The following MAPKBP1 variants were observed in gnomAD, a reference collection of about 807,000 sequenced individuals.
MAPKBP1 encodes mitogen-activated protein kinase binding protein 1, also known as mitogen-activated protein kinase-binding protein 1.
MAPKBP1 carries 71 observed loss-of-function variants against 170.5 expected under a neutral mutation model. The observed-to-expected ratio is 0.42, with a 90% CI of 0.34 to 0.51. MAPKBP1 has a LOEUF of 0.51. Among genes scored for constraint, MAPKBP1 ranks in the 20% least tolerant of loss-of-function variants. MAPKBP1 has a pLI of 0.06. For synonymous variants in MAPKBP1, 719 were observed against 757.9 expected (o/e 0.95, Z 0.84); for missense variants, 1,598 against 1,933.0 (o/e 0.83, Z 3.25).
chr15:41,811,806 A>G (rs182710021), intron 5 of MAPKBP1, 151 bp from the exon 6 acceptor site: 59 of 783,874 alleles, frequency 7.5e-5, no homozygotes, highest in Admixed American at 5.1e-4. Context: ...GATCTTTATC[A>G]TATTTCCTCT....
intron 3 of MAPKBP1, among the ~76,000 whole-genome samples, chr15:41,801,264 C>T (rs969972053): frequency 5.3e-5 from 8 of 152,130 alleles, no homozygotes; most frequent in Admixed American, 2.6e-4. Flanking sequence ...GGCTACTATT[C>T]TTTCTCTTGC....
At position 41,827,243 on chromosome 15, in the gene MAPKBP1, T is replaced by C. The variant is rs977963880; in HGVS notation, c.*1807T>C. The stretch of plus-strand genomic sequence containing the variant: ...CTGGAGGTGGAGGTGGAGGTTGCAG[T>C]GAGCCGAGATCGCGCCATTGCACTC... On this transcript the variant is annotated 3_prime_UTR_variant, in exon 31 of 31. Coordinates refer to ENST00000457542, the MANE Select transcript of MAPKBP1 (RefSeq NM_014994.3). 1 of 150,790 alleles carries C rather than the reference T, an allele frequency of 6.6e-6. No individual in the cohort carries two copies. The highest frequency in any genetic ancestry group is 1.5e-5 in the Non-Finnish European group (1 of 67,850). The allele number at this position is 150,790 out of a possible 1,614,324, so 9.3% of individuals were successfully genotyped here. A position where few individuals can be genotyped will look rare whatever the true frequency, so the allele number is the denominator to read the frequency against.
At chr15:41,776,442 A>AG (rs1243056263) in intron 2 of MAPKBP1, among the ~76,000 whole-genome samples, 2 of 152,200 alleles carry the variant, frequency 1.3e-5, no homozygotes, top group Admixed American at 6.5e-5. Flanking sequence ...GAAGGTGAAG[A>AG]GCTTTCCTGT....
At chr15:41,797,831 T>C (rs1325420697) in intron 2 of MAPKBP1, among the ~76,000 whole-genome samples, 1 of 152,152 alleles carries the variant, frequency 6.6e-6, no homozygotes, top group Non-Finnish European at 1.5e-5. Context: ...ACAGATAACC[T>C]TGGGGACCTT....
Position 41,818,405 on chromosome 15 carries a change from C to T in MAPKBP1, c.2092+100C>T, listed in dbSNP as rs905801861. ...ACTCTTCTATTAGTTTCTTGGGACC[C>T]GCAGAGCTACCTATCCCTACCCTGC... On this transcript the variant is annotated intron_variant, in intron 18 of 30. Coordinates refer to ENST00000457542, the MANE Select transcript of MAPKBP1 (RefSeq NM_014994.3). This position sits in a 1 kb window ranked among gnomAD's most constrained non-coding sequence, Gnocchi z 5.2. 50 of 1,391,780 alleles carry T rather than the reference C, an allele frequency of 3.6e-5. No individual in the cohort carries two copies. The highest frequency in any genetic ancestry group is 1.8e-4 in the Middle Eastern group (1 of 5,606). The allele number at this position is 1,391,780 out of a possible 1,614,324, so 86.2% of individuals were successfully genotyped here.
chr15:41,810,990 T>C (rs746629282), intron 4 of MAPKBP1, 45 bp downstream of exon 4: 2 of 1,607,820 alleles, frequency 1.2e-6, no homozygotes, highest in African/African-American at 1.3e-5. Flanking sequence ...TTCTGGGAGC[T>C]ATGAGAAGGG....
At chr15:41,815,552 T>C in intron 11 of MAPKBP1, 72 bp from the exon 12 acceptor site, 1 of 1,561,448 alleles carries the variant, frequency 6.4e-7, no homozygotes. Context: ...TTTGTTTTGC[T>C]CAGCTTTCTT....
Position 41,779,314 on chromosome 15 carries a change from G to T in MAPKBP1, c.114+3925G>T, listed in dbSNP as rs12917440. On this transcript the variant is annotated intron_variant, in intron 2 of 30. Coordinates refer to ENST00000457542, the MANE Select transcript of MAPKBP1 (RefSeq NM_014994.3). ...CAAACTCTGCCTCCCGGGTTCAAGC[G>T]ATTCTCCTGCCTCAGCCTCCTGAGT... is the stretch of plus-strand genomic sequence containing the variant. Among the ~76,000 whole-genome samples, 435 of 152,250 alleles carry T rather than the reference G, an allele frequency of 2.9e-3. 3 individuals carry two copies. The highest frequency in any genetic ancestry group is 3.6e-3 in the Non-Finnish European group (248 of 68,030).
intron 3 of MAPKBP1, 162 bp from the exon 4 acceptor site, chr15:41,810,721 A>G: frequency 4.7e-6 from 1 of 211,342 alleles, no homozygotes. Flanking sequence ...CTGTCTCAAA[A>G]AAAAAAAAAA....
At chr15:41,816,752 T>C (rs2064898955) in intron 13 of MAPKBP1, 102 bp downstream of exon 13, 5 of 1,433,838 alleles carry the variant, frequency 3.5e-6, no homozygotes, top group African/African-American at 1.4e-5. Flanking sequence ...CTTTGGATCA[T>C]TGGTGTCTTT....
Position 41,818,979 on chromosome 15 carries a change from G to T in MAPKBP1, c.2291+22G>T. On this transcript the variant is annotated intron_variant, in intron 20 of 30. Transcript: ENST00000457542. The surrounding 1 kb of genome is among the most constrained non-coding windows in gnomAD (Gnocchi z 5.2). ...ACCGGTGAGAACAGAATGTGGGCAA[G>T]TGATGGGTGGGTGTGCAGATGGCTT... is the stretch of plus-strand genomic sequence containing the variant. 1.9e-6 allele frequency: 3 copies of T among 1,611,742 alleles called. No homozygotes were observed. The highest frequency in any genetic ancestry group is 2.5e-6 in the Non-Finnish European group (3 of 1,178,282).
Position 41,827,125 on chromosome 15 carries a change from G to GAC in MAPKBP1, c.*1689_*1690insAC, listed in dbSNP as rs34551245. 1.3e-5 allele frequency: 2 copies of GAC among 151,522 alleles called. No homozygotes were observed. Among genetic ancestry groups the GAC allele is most frequent in the African/African-American group, 4.9e-5 (2 of 41,212 alleles). The allele number at this position is 151,522 out of a possible 1,614,324, so 9.4% of individuals were successfully genotyped here. ...AGCCTGGCCAACATGGTGAAACCCT[G>GAC]TCTACTAAAAATAAAAAAATTAGCT... is the stretch of plus-strand genomic sequence containing the variant. On this transcript the variant is annotated 3_prime_UTR_variant, in exon 31 of 31. Coordinates refer to ENST00000457542, the MANE Select transcript of MAPKBP1 (RefSeq NM_014994.3).
intron 3 of MAPKBP1, among the ~76,000 whole-genome samples, chr15:41,808,501 G>C (rs963622152): frequency 2.0e-5 from 3 of 147,184 alleles, no homozygotes; most frequent in African/African-American, 7.5e-5. Flanking sequence ...TTGAGACAGA[G>C]TCTAGTTCTT....
intron 9 of MAPKBP1, 118 bp from the exon 10 acceptor site, chr15:41,814,432 C>A: frequency 1.0e-6 from 1 of 988,452 alleles, no homozygotes; most frequent in Non-Finnish European, 1.5e-6. Context: ...TCTCAAGCAA[C>A]TACTTCCAAA....
intron 29 of MAPKBP1, 120 bp from the exon 30 acceptor site, chr15:41,824,364 T>C (rs769304821): frequency 6.4e-6 from 6 of 942,462 alleles, no homozygotes; most frequent in Non-Finnish European, 6.3e-6. Flanking sequence ...AGGAAGGGAC[T>C]GAGGGCAAGT....
intron 2 of MAPKBP1, among the ~76,000 whole-genome samples, chr15:41,787,564 C>T (rs1407818872): frequency 6.6e-6 from 1 of 152,124 alleles, no homozygotes; most frequent in African/African-American, 2.4e-5. Flanking sequence ...GATGGGGTTT[C>T]ACCATGTTGG....
Position 41,815,599 on chromosome 15 carries a change from CACCTTTTCTA to C in MAPKBP1, c.1318-20_1318-11del. The stretch of plus-strand genomic sequence containing the variant: ...CTGTACTGGTCAGGCCTGCCTCATC[CACCTTTTCTA>C]ACCTGTTCCACTAGGACCTCATTAA... On this transcript the variant is annotated splice_polypyrimidine_tract_variant and intron_variant, in intron 11 of 30. Coordinates refer to ENST00000457542, the MANE Select transcript of MAPKBP1 (RefSeq NM_014994.3). 1 of 1,605,142 alleles carries C rather than the reference CACCTTTTCTA, an allele frequency of 6.2e-7. No homozygotes were observed. The highest frequency in any genetic ancestry group is 8.5e-7 in the Non-Finnish European group (1 of 1,173,558).
intron 30 of MAPKBP1, 92 bp downstream of exon 30, chr15:41,824,661 C>G: frequency 8.1e-7 from 1 of 1,235,042 alleles, no homozygotes; most frequent in South Asian, 1.4e-5. Flanking sequence ...TGCTAAGCCT[C>G]TTGTGCTGAC....
intron 21 of MAPKBP1, 43 bp from the exon 22 acceptor site, chr15:41,819,547 CGGGGG>C: frequency 8.1e-7 from 1 of 1,228,204 alleles, no homozygotes; most frequent in Non-Finnish European, 1.1e-6. Context: ...GGTTGGGTGG[CGGGGG>C]GGGGGCAGGA....
Sources: gnomAD v4.1 joint callset for allele counts (sites outside exome capture counted in the v4.1 genomes callset) on GRCh38, gnomAD v4.1.1 for gene constraint, Gnocchi (gnomAD v3.1) non-coding constraint, MANE v1.5 for transcripts, NCBI Gene and HGNC (gene_info 2026-07-23, HGNC 2026-07-21) for gene names.